The following SGIP1 variants were observed in gnomAD, a reference collection of about 807,000 sequenced individuals.
SGIP1 encodes SH3-containing GRB2-like protein 3-interacting protein 1.
Under a neutral mutation model 107.5 loss-of-function variants are expected in SGIP1, and 38 were observed. The ratio of observed to expected loss-of-function variants is 0.35; its 90% CI spans 0.27 to 0.46. The LOEUF (loss-of-function observed/expected upper bound fraction) is 0.46, where lower values mean the gene tolerates loss of function less well. SGIP1 is among the 20% of genes least tolerant of loss of function. The probability of loss-of-function intolerance (pLI) is 1.00; values close to 1 mark genes in which losing one functional copy is unlikely to be tolerated. For synonymous variants in SGIP1, 365 were observed against 366.1 expected (o/e 1.00, Z 0.03); for missense variants, 929 against 1,019.5 (o/e 0.91, Z 1.21).
At chr1:66,656,936 G>A (rs984599937) in intron 7 of SGIP1, among the ~76,000 whole-genome samples, 6 of 152,146 alleles carry the variant, frequency 3.9e-5, no homozygotes, top group Non-Finnish European at 7.4e-5. Context: ...GGGAAGCAAC[G>A]TTGGGAGGAT....
intron 1 of SGIP1, among the ~76,000 whole-genome samples, chr1:66,592,897 C>CTTTTTTTTTTTTTTT (rs35762612): frequency 2.0e-4 from 11 of 56,350 alleles, no homozygotes; most frequent in Non-Finnish European, 2.7e-4. Flanking sequence ...TCTTCTTCTT[C>CTTTTTTTTTTTTTTT]TTTTTTTTTT....
intron 21 of SGIP1, among the ~76,000 whole-genome samples, chr1:66,736,887 A>C (rs1361178835): frequency 6.6e-6 from 1 of 152,100 alleles, no homozygotes; most frequent in Non-Finnish European, 1.5e-5. Flanking sequence ...TATCTATAAA[A>C]TGGTGTATTT....
At chr1:66,556,591 C>T (rs1166081773) in intron 1 of SGIP1, among the ~76,000 whole-genome samples, 1 of 152,002 alleles carries the variant, frequency 6.6e-6, no homozygotes, top group African/African-American at 2.4e-5. Flanking sequence ...CAAAGCATGG[C>T]CTTGGATATG....
At position 66,611,296 on chromosome 1, in the gene SGIP1, C is replaced by T. The variant is rs1312351909; in HGVS notation, c.11-14551C>T. 2.6e-5 allele frequency among the ~76,000 whole-genome samples: 4 copies of T among 152,132 alleles called. No individual in the cohort carries two copies. In the East Asian group the frequency reaches 7.7e-4, roughly 29 times the overall value. The stretch of plus-strand genomic sequence containing the variant: ...AGGCTGAGAGAAGTATAAGTTTATT[C>T]ATAGTAACATAAGTAGCAAATGGCA... On this transcript the variant is annotated intron_variant, in intron 1 of 24. Coordinates refer to ENST00000371037, the MANE Select transcript of SGIP1 (RefSeq NM_032291.4).
intron 15 of SGIP1, 115 bp downstream of exon 15, chr1:66,682,484 C>T (rs557309026): frequency 2.6e-5 from 34 of 1,306,846 alleles, no homozygotes; most frequent in Admixed American, 1.1e-4. Flanking sequence ...GCCCTCACTC[C>T]TCTAGTCTGG....
At chr1:66,696,078 G>A (rs377316842) in intron 18 of SGIP1, among the ~76,000 whole-genome samples, 21 of 152,306 alleles carry the variant, frequency 1.4e-4, no homozygotes, top group African/African-American at 4.6e-4. Context: ...CAGTAAAATG[G>A]AGAACTATTG....
intron 1 of SGIP1, among the ~76,000 whole-genome samples, chr1:66,552,039 C>A (rs977629619): frequency 5.9e-5 from 9 of 152,082 alleles, no homozygotes; most frequent in African/African-American, 2.2e-4. Flanking sequence ...GATGAAGAAA[C>A]TGAGGCTCAA....
At chr1:66,694,421 T>A in intron 17 of SGIP1, 1 of 1,605,134 alleles carries the variant, frequency 6.2e-7, no homozygotes, top group Non-Finnish European at 8.5e-7. Flanking sequence ...CATTCGTTTA[T>A]GTTTCTTTGG....
chr1:66,591,926 T>A (rs1350727873), intron 1 of SGIP1, among the ~76,000 whole-genome samples: 1 of 152,178 alleles, frequency 6.6e-6, no homozygotes, highest in African/African-American at 2.4e-5. Context: ...CACAAACATT[T>A]TAGTGCAGTA....
intron 18 of SGIP1, among the ~76,000 whole-genome samples, chr1:66,711,851 G>C (rs1044813056): frequency 6.6e-6 from 1 of 152,158 alleles, no homozygotes; most frequent in Non-Finnish European, 1.5e-5. Context: ...AAAATATGCA[G>C]TTCTTATGGC....
At chr1:66,645,038 G>C (rs548392037) in intron 7 of SGIP1, among the ~76,000 whole-genome samples, 9 of 152,186 alleles carry the variant, frequency 5.9e-5, no homozygotes, top group African/African-American at 2.2e-4. Flanking sequence ...TTCACTTACT[G>C]AATAATATTT....
intron 17 of SGIP1, among the ~76,000 whole-genome samples, chr1:66,691,282 G>A (rs1268308527): frequency 6.6e-6 from 1 of 152,204 alleles, no homozygotes; most frequent in Non-Finnish European, 1.5e-5. Flanking sequence ...AGTCTGCCCA[G>A]TTGCCTATGT....
At position 66,688,965 on chromosome 1, in the gene SGIP1, A is replaced by G. The variant is rs141173429; in HGVS notation, c.1316-183A>G. ...GAGCTTCTACCATCAACCATAGCTGAAATCATTAATTTTTTTTCTTTATTA... is the reference window on the plus strand; with the variant it reads ...GAGCTTCTACCATCAACCATAGCTGGAATCATTAATTTTTTTTCTTTATTA... On this transcript the variant is annotated intron_variant, in intron 15 of 24. Transcript: ENST00000371037. Among the ~76,000 whole-genome samples, 1,250 of 152,012 alleles carry G rather than the reference A, an allele frequency of 8.2e-3. 8 individuals are homozygous for G. The highest frequency in any genetic ancestry group is 0.014 in the Non-Finnish European group (930 of 67,962).
intron 5 of SGIP1, among the ~76,000 whole-genome samples, chr1:66,640,844 CA>C (rs760955546): frequency 6.7e-6 from 1 of 148,278 alleles, no homozygotes; most frequent in African/African-American, 2.5e-5. Context: ...AATAAATGCT[CA>C]AAAAAATGGT....
chr1:66,665,479 A>G (rs1353194828), intron 8 of SGIP1, among the ~76,000 whole-genome samples: 1 of 152,238 alleles, frequency 6.6e-6, no homozygotes. Context: ...TCCTTTGGGT[A>G]TATACCCAGT....
rs747088188 is a variant in SGIP1 at position 66,635,913 on chromosome 1, C to CT, written c.100-25dup. The CT allele has an allele frequency of 3.1e-6, 5 of 1,609,946 alleles. No homozygotes were observed. The East Asian group carries it at 1.1e-4, about 36-fold the overall frequency. On this transcript the variant is annotated intron_variant, in intron 3 of 24. Coordinates refer to ENST00000371037, the MANE Select transcript of SGIP1 (RefSeq NM_032291.4). ...GAAGAACAAGCAGATCTTTTAACCA[C>CT]TTTTTTCTACATGAAAACAATCAAT...
At chr1:66,642,789 A>C in intron 5 of SGIP1, 21 bp from the exon 6 acceptor site, 3 of 1,597,532 alleles carry the variant, frequency 1.9e-6, no homozygotes, top group East Asian at 4.5e-5. Flanking sequence ...TAATTACTTC[A>C]TGTGCACTTG....
chr1:66,699,234 C>T (rs2091499514), intron 18 of SGIP1, among the ~76,000 whole-genome samples: 1 of 152,098 alleles, frequency 6.6e-6, no homozygotes, highest in Non-Finnish European at 1.5e-5. Context: ...CATCATGGGA[C>T]TAGGAGGCAG....
At chr1:66,713,818 C>A (rs1279548428) in intron 18 of SGIP1, among the ~76,000 whole-genome samples, 1 of 152,040 alleles carries the variant, frequency 6.6e-6, no homozygotes, top group Non-Finnish European at 1.5e-5. Flanking sequence ...ACTTTATCTC[C>A]TATTGACACA....
Sources: allele counts gnomAD v4.1 joint callset (sites outside exome capture counted in the v4.1 genomes callset), GRCh38; gene constraint gnomAD v4.1.1; transcripts MANE v1.5; gene names NCBI Gene and HGNC (gene_info 2026-07-23, HGNC 2026-07-21).